Variants in ZNF385D observed in about 807,000 individuals in gnomAD.
ZNF385D encodes zinc finger protein 659.
A neutral mutation model predicts 35.8 loss-of-function variants in ZNF385D; 15 were observed. That is an observed-to-expected ratio of 0.42 (90% CI 0.28 to 0.64). ZNF385D has a LOEUF of 0.64. Ranked by LOEUF, ZNF385D falls within the 30% of genes least tolerant of loss-of-function variation. ZNF385D has a pLI of 0.23. For missense variants in ZNF385D, 474 were observed against 494.6 expected, an observed-to-expected ratio of 0.96 and a Z score of 0.39; for synonymous variants, 212 against 186.8, an observed-to-expected ratio of 1.13 and a Z score of -1.10.
intron 4 of ZNF385D, among the ~76,000 whole-genome samples, chr3:21,452,127 C>A (rs3911495): frequency 6.6e-6 from 1 of 151,466 alleles, no homozygotes; most frequent in Non-Finnish European, 1.5e-5. Flanking sequence ...TATCATTAGG[C>A]AATTTAAATT....
rs182075372 is a variant in ZNF385D at position 21,540,410 on chromosome 3, G to T, written c.276+24164C>A. ...GGGGATGATTTGTACTGGCCTCCAG[G>T]TGTAATATTATGTGCACTGATGAGC... On this transcript the variant is annotated intron_variant, in intron 3 of 7. Coordinates refer to ENST00000281523, the MANE Select transcript of ZNF385D (RefSeq NM_024697.3). Among the ~76,000 whole-genome samples, 46 of 152,274 alleles carry T rather than the reference G, an allele frequency of 3.0e-4. No homozygotes were observed. In the East Asian group the frequency reaches 6.2e-3, roughly 20 times the overall value.
At chr3:21,935,526 C>G (rs1249904531) in intron 3 of ZNF385D, among the ~76,000 whole-genome samples, 1 of 152,166 alleles carries the variant, frequency 6.6e-6, no homozygotes, top group Non-Finnish European at 1.5e-5. Context: ...CCTGCTGGTT[C>G]TTTCAATCCT....
intron 3 of ZNF385D, among the ~76,000 whole-genome samples, chr3:21,966,896 C>T (rs1336322271): frequency 6.6e-6 from 1 of 152,168 alleles, no homozygotes; most frequent in Non-Finnish European, 1.5e-5. Flanking sequence ...GAGCCACAGC[C>T]CCTGGCCTAG....
chr3:21,972,759 A>G (rs1703343077), intron 3 of ZNF385D, among the ~76,000 whole-genome samples: 1 of 151,940 alleles, frequency 6.6e-6, no homozygotes, highest in South Asian at 2.1e-4. Context: ...AACTAATACC[A>G]CAGAAATTCA....
chr3:21,860,114 C>G (rs1696966864), intron 3 of ZNF385D, among the ~76,000 whole-genome samples: 1 of 151,996 alleles, frequency 6.6e-6, no homozygotes. Context: ...GTTGAAATAG[C>G]AAATTAACAA....
chr3:21,631,423 A>G (rs1196182028), intron 2 of ZNF385D, among the ~76,000 whole-genome samples: 1 of 152,090 alleles, frequency 6.6e-6, no homozygotes, highest in Non-Finnish European at 1.5e-5. Flanking sequence ...CCCTACTACC[A>G]TTATAAATTC....
At chr3:22,241,738 G>A (rs376951999) in intron 2 of ZNF385D, among the ~76,000 whole-genome samples, 3 of 150,508 alleles carry the variant, frequency 2.0e-5, no homozygotes, top group Non-Finnish European at 2.9e-5. Context: ...TTTAGACTGA[G>A]GTGAGAAATA....
intron 1 of ZNF385D, among the ~76,000 whole-genome samples, chr3:21,708,363 G>C (rs564350151): frequency 1.4e-4 from 21 of 152,304 alleles, no homozygotes; most frequent in South Asian, 4.1e-4. Flanking sequence ...CTAGAGTAAA[G>C]TAACTTACCC....
At chr3:21,466,846 A>G (rs1006617211) in intron 4 of ZNF385D, among the ~76,000 whole-genome samples, 2 of 152,218 alleles carry the variant, frequency 1.3e-5, no homozygotes, top group Non-Finnish European at 1.5e-5. Context: ...CTGTGAACTT[A>G]GGAGAGTATC....
chr3:21,494,665 C>A (rs1240823467), intron 4 of ZNF385D, among the ~76,000 whole-genome samples: 1 of 152,098 alleles, frequency 6.6e-6, no homozygotes. Context: ...ACATTTACCT[C>A]CAAGAGTTAG....
rs566656352 is a variant in ZNF385D, at chr3:21,593,207, G to C, written c.166-28523C>G. ...CTTACTGTTTTACAATGAGGACTCT[G>C]GCTATCTGTCCTTAAAGGAAGGACC... On this transcript the variant is annotated intron_variant, in intron 2 of 7. Transcript: ENST00000281523. 1.1e-3 allele frequency among the ~76,000 whole-genome samples: 161 copies of C among 152,214 alleles called. 2 individuals are homozygous for C. In the South Asian group the frequency reaches 0.024, roughly 23 times the overall value.
chr3:21,604,632 G>A (rs564481795), intron 2 of ZNF385D, among the ~76,000 whole-genome samples: 2 of 152,192 alleles, frequency 1.3e-5, no homozygotes, highest in South Asian at 2.1e-4. Flanking sequence ...GGTGAAATGA[G>A]GTGAGGCCTG....
At chr3:22,006,635 T>C (rs557069260) in intron 3 of ZNF385D, among the ~76,000 whole-genome samples, 31 of 152,016 alleles carry the variant, frequency 2.0e-4, no homozygotes, top group Non-Finnish European at 2.9e-4. Flanking sequence ...TAGGAATAAA[T>C]TGGAAAAGAA....
intron 2 of ZNF385D, among the ~76,000 whole-genome samples, chr3:21,608,554 A>T (rs1432595971): frequency 6.6e-6 from 1 of 152,228 alleles, no homozygotes; most frequent in African/African-American, 2.4e-5. Flanking sequence ...TAATATGAAA[A>T]ATAAAGAATT....
chr3:21,648,353 C>T (rs1417088307), intron 2 of ZNF385D, among the ~76,000 whole-genome samples: 1 of 152,132 alleles, frequency 6.6e-6, no homozygotes, highest in Non-Finnish European at 1.5e-5. Context: ...CTGAGGCCTC[C>T]TCCAGCCATG....
intron 4 of ZNF385D, among the ~76,000 whole-genome samples, chr3:21,479,209 A>G (rs1704444338): frequency 6.6e-6 from 1 of 151,634 alleles, no homozygotes; most frequent in Non-Finnish European, 1.5e-5. Flanking sequence ...AATTTGGTTC[A>G]ATATTCAGGC....
intron 3 of ZNF385D, among the ~76,000 whole-genome samples, chr3:21,996,944 A>C (rs1022126690): frequency 6.6e-6 from 1 of 152,230 alleles, no homozygotes; most frequent in Middle Eastern, 3.2e-3. Flanking sequence ...GTTTGTTTCC[A>C]AACGACAAAT....
intron 2 of ZNF385D, among the ~76,000 whole-genome samples, chr3:21,592,390 T>G (rs1162842836): frequency 3.5e-5 from 1 of 28,468 alleles, no homozygotes; most frequent in African/African-American, 2.9e-4. Flanking sequence ...TACTACTTTT[T>G]GAATCATAAA....
chr3:21,933,351 T>C (rs1701106841), intron 3 of ZNF385D, among the ~76,000 whole-genome samples: 1 of 152,230 alleles, frequency 6.6e-6, no homozygotes, highest in South Asian at 2.1e-4. Context: ...ATTTTGCTAT[T>C]TGATCTATAT....
Sources: gnomAD v4.1 joint callset for allele counts (sites outside exome capture counted in the v4.1 genomes callset) on GRCh38, gnomAD v4.1.1 for gene constraint, MANE v1.5 for transcripts, NCBI Gene and HGNC (gene_info 2026-07-23, HGNC 2026-07-21) for gene names.